Variants in ZRANB1 observed in about 807,000 individuals in gnomAD.
ZRANB1 encodes the protein zinc finger RANBP2-type containing 1.
A neutral mutation model predicts 80.5 loss-of-function variants in ZRANB1; 16 were observed. That is an observed-to-expected ratio of 0.20 (90% CI 0.13 to 0.30). The LOEUF (loss-of-function observed/expected upper bound fraction) is 0.30, where lower values mean the gene tolerates loss of function less well. ZRANB1 is among the 10% of genes least tolerant of loss of function. ZRANB1 has a pLI of 1.00. For synonymous variants in ZRANB1, 291 were observed against 293.1 expected (o/e 0.99, Z 0.07); for missense variants, 576 against 862.6 (o/e 0.67, Z 4.16).
chr10:124,928,173 CG>C, the ZRANB1 span, among the ~76,000 whole-genome samples: 1 of 152,070 alleles, frequency 6.6e-6, no homozygotes, highest in Non-Finnish European at 1.5e-5. Context: ...GTATATAAAA[CG>C]GGGTAAGAAG....
intron 1 of ZRANB1, among the ~76,000 whole-genome samples, chr10:124,964,261 T>A (rs905235060): frequency 6.6e-6 from 1 of 152,234 alleles, no homozygotes; most frequent in Non-Finnish European, 1.5e-5. Flanking sequence ...GGTGATATTA[T>A]TGTACATTAT....
chr10:124,945,717 A>G (rs1951576566), intron 1 of ZRANB1: 1 of 152,186 alleles, frequency 6.6e-6, no homozygotes, highest in Non-Finnish European at 1.5e-5. Flanking sequence ...TCTTTATGAC[A>G]TTATTTCTTC....
chr10:124,954,614 AT>A (rs1190462194), intron 1 of ZRANB1, among the ~76,000 whole-genome samples: 4 of 148,262 alleles, frequency 2.7e-5, no homozygotes, highest in Non-Finnish European at 6.0e-5. Context: ...TGCCCGTCTA[AT>A]TTTTGTATTT....
In ZRANB1 at chr10:124,981,698, T is replaced by G; in HGVS notation, c.1428-11T>G. 1 of 1,592,652 alleles carries G rather than the reference T, an allele frequency of 6.3e-7. No homozygotes were observed. The highest frequency in any genetic ancestry group is 8.5e-7 in the Non-Finnish European group (1 of 1,174,668). On this transcript the variant is annotated splice_polypyrimidine_tract_variant and intron_variant, in intron 5 of 8. Transcript: ENST00000359653. ...CTATTTATTTATTTTTTTACTATCC[T>G]GCTTTTTTAGGTTTTACACACGCTG...
intron 1 of ZRANB1, among the ~76,000 whole-genome samples, chr10:124,957,858 C>T (rs1951699542): frequency 6.6e-6 from 1 of 152,052 alleles, no homozygotes; most frequent in South Asian, 2.1e-4. Context: ...TCCCAAGTAG[C>T]TGGGACTATA....
intron 5 of ZRANB1, among the ~76,000 whole-genome samples, chr10:124,975,914 A>ATT (rs1276849950): frequency 6.6e-6 from 1 of 152,200 alleles, no homozygotes; most frequent in Non-Finnish European, 1.5e-5. Flanking sequence ...AGGCACGAGA[A>ATT]TTGCTTAAAT....
At chr10:124,948,420 C>G (rs945516186) in intron 1 of ZRANB1, among the ~76,000 whole-genome samples, 5 of 151,988 alleles carry the variant, frequency 3.3e-5, no homozygotes, top group African/African-American at 1.2e-4. Context: ...GATTGGTCCC[C>G]CTAATCTCCA....
At chr10:124,926,725 T>C in the ZRANB1 span, among the ~76,000 whole-genome samples, 1 of 152,194 alleles carries the variant, frequency 6.6e-6, no homozygotes, top group Non-Finnish European at 1.5e-5. Context: ...AGATATTACG[T>C]ACTGTATATA....
chr10:124,976,209 T>C (rs1380567524), intron 5 of ZRANB1, among the ~76,000 whole-genome samples: 4 of 152,160 alleles, frequency 2.6e-5, no homozygotes, highest in African/African-American at 7.2e-5. Context: ...TCTGGTAGTA[T>C]GAAGTAGGTT....
At chr10:124,929,998 G>A in the ZRANB1 span, among the ~76,000 whole-genome samples, 5 of 151,286 alleles carry the variant, frequency 3.3e-5, no homozygotes, top group African/African-American at 9.7e-5. Flanking sequence ...AGGTACCTGA[G>A]GATTCAATGA....
the ZRANB1 span, among the ~76,000 whole-genome samples, chr10:124,932,106 A>G: frequency 6.6e-6 from 1 of 152,110 alleles, no homozygotes; most frequent in Non-Finnish European, 1.5e-5. Context: ...AGTAGTATGC[A>G]TTTAAGGTTC....
In ZRANB1 at chr10:124,985,254, A is replaced by T. The variant is rs985295273; in HGVS notation, c.*262A>T. 1.5e-5 allele frequency: 6 copies of T among 388,806 alleles called. No homozygotes were observed. The highest frequency in any genetic ancestry group is 6.8e-4 in the Middle Eastern group (1 of 1,462). The allele number at this position is 388,806 out of a possible 1,614,324, so 24.1% of individuals were successfully genotyped here. A position where few individuals can be genotyped will look rare whatever the true frequency, so the allele number is the denominator to read the frequency against. ...AACTTTTTTTCCTTCCAAATTGTAA[A>T]TCTGTCTATAAATGTAACGCATGTG... On this transcript the variant is annotated 3_prime_UTR_variant, in exon 9 of 9. Transcript: ENST00000359653.
At chr10:124,937,153 G>T, upstream of ZRANB1, among the ~76,000 whole-genome samples, 1 of 148,546 alleles carries the variant, frequency 6.7e-6, no homozygotes. Context: ...TGTTTCCTGA[G>T]TTTGCACTTG....
chr10:124,939,223 T>A (rs995443899), upstream of ZRANB1, among the ~76,000 whole-genome samples: 1 of 151,244 alleles, frequency 6.6e-6, no homozygotes, highest in African/African-American at 2.4e-5. Flanking sequence ...TTTGTAGTGA[T>A]GGAGTCTTGC....
intron 2 of ZRANB1, among the ~76,000 whole-genome samples, chr10:124,968,532 A>T (rs1465409005): frequency 6.6e-6 from 1 of 152,144 alleles, no homozygotes; most frequent in African/African-American, 2.4e-5. Context: ...TTTCAGATAG[A>T]GGGATCCAGG....
At chr10:124,944,397 A>G (rs1008225508) in intron 1 of ZRANB1, among the ~76,000 whole-genome samples, 1 of 152,098 alleles carries the variant, frequency 6.6e-6, no homozygotes, top group East Asian at 1.9e-4. Context: ...GCCCAAGAAT[A>G]TGGAAAGTTT....
At position 124,942,212 on chromosome 10, in the gene ZRANB1, T is replaced by C. The variant is rs1951542070; in HGVS notation, c.-282T>C. On this transcript the variant is annotated 5_prime_UTR_variant, in exon 1 of 9. Transcript: ENST00000359653. ...ATCAAACCTCGTTATATCTCCTGCCTATCTCTTTTGCATTCCAAAGTTCAG... is the reference window on the plus strand; with the variant it reads ...ATCAAACCTCGTTATATCTCCTGCCCATCTCTTTTGCATTCCAAAGTTCAG... 1 of 1,241,008 alleles carries C rather than the reference T, an allele frequency of 8.1e-7. No homozygotes were observed. The allele number at this position is 1,241,008 out of a possible 1,614,324, so 76.9% of individuals were successfully genotyped here.
Position 124,983,790 on chromosome 10 carries a change from T to C in ZRANB1, c.1908+102T>C. On this transcript the variant is annotated intron_variant, in intron 8 of 8. Transcript: ENST00000359653. The surrounding 1 kb of genome is among the most constrained non-coding windows in gnomAD (Gnocchi z 6.2). The stretch of plus-strand genomic sequence containing the variant: ...GTTTTATCTGCACTATCACTTAATT[T>C]CTGAATGTGATGGTAGTAATTGCTG... The C allele has an allele frequency of 1.2e-6, 1 of 823,214 alleles. No homozygotes were observed. 51.0% of individuals were successfully genotyped at this position (823,214 alleles called of 1,614,324 possible).
chr10:124,921,355 C>T, the ZRANB1 span, among the ~76,000 whole-genome samples: 1 of 152,306 alleles, frequency 6.6e-6, no homozygotes, highest in East Asian at 1.9e-4. Context: ...ATATGTGATT[C>T]ACTACTGCTA....
Sources: gnomAD v4.1 joint callset for allele counts (sites outside exome capture counted in the v4.1 genomes callset) on GRCh38, gnomAD v4.1.1 for gene constraint, Gnocchi (gnomAD v3.1) non-coding constraint, MANE v1.5 for transcripts, NCBI Gene and HGNC (gene_info 2026-07-23, HGNC 2026-07-21) for gene names.